The following LRRC75A variants were observed in gnomAD, a reference collection of about 807,000 sequenced individuals.
LRRC75A encodes the protein leucine rich repeat containing 75A, also known as leucine-rich repeat-containing protein 75A.
Under a neutral mutation model 26.0 loss-of-function variants are expected in LRRC75A, and 12 were observed. The observed-to-expected ratio is 0.46, with a 90% CI of 0.30 to 0.75. LRRC75A has a LOEUF of 0.75. LRRC75A is among the 30% of genes least tolerant of loss of function. The pLI is 0.08. For missense variants in LRRC75A, 410 were observed against 486.6 expected (o/e 0.84, Z 1.48); for synonymous variants, 223 against 219.3 (o/e 1.02, Z -0.15).
At chr17:16,457,309 C>T (rs931247361) in intron 2 of LRRC75A, among the ~76,000 whole-genome samples, 2 of 152,190 alleles carry the variant, frequency 1.3e-5, no homozygotes, top group Non-Finnish European at 2.9e-5. Context: ...GACTGTGTGC[C>T]GGCTTTTCTG....
Position 16,456,324 on chromosome 17 carries a change from G to A in LRRC75A, c.375+5934C>T, listed in dbSNP as rs1392891901. Among the ~76,000 whole-genome samples the A allele has an allele frequency of 3.6e-5, 5 of 138,120 alleles. 1 individual carries two copies. The highest frequency in any genetic ancestry group is 6.3e-5 in the Non-Finnish European group (4 of 63,444). 90.6% of individuals were successfully genotyped at this position (138,120 alleles called of 152,430 possible). A position where few individuals can be genotyped will look rare whatever the true frequency, so the allele number is the denominator to read the frequency against. ...AAGAGGAGGAGGAGGAAGAGGAGAA[G>A]AAGGAAGAGGAGGAGGAAGAGAAGG... On this transcript the variant is annotated intron_variant, in intron 2 of 3. Transcript: ENST00000470794.
intron 2 of LRRC75A, among the ~76,000 whole-genome samples, chr17:16,457,708 G>T (rs1336217412): frequency 6.6e-6 from 1 of 152,134 alleles, no homozygotes; most frequent in Non-Finnish European, 1.5e-5. Flanking sequence ...GCTCACACCT[G>T]CAATCCTAGT....
intron 1 of LRRC75A, among the ~76,000 whole-genome samples, chr17:16,479,948 G>A (rs61019951): frequency 0.03 from 4,543 of 152,306 alleles, 214 homozygotes; most frequent in African/African-American, 0.1. Flanking sequence ...ACAGCAGGAC[G>A]TGAACAGTGG....
At chr17:16,455,170 C>T (rs2093666935) in intron 2 of LRRC75A, among the ~76,000 whole-genome samples, 1 of 152,070 alleles carries the variant, frequency 6.6e-6, no homozygotes. Context: ...TGACCTCAGA[C>T]GATCCGCCTG....
At chr17:16,469,290 T>TC (rs899815842) in intron 1 of LRRC75A, among the ~76,000 whole-genome samples, 1 of 152,216 alleles carries the variant, frequency 6.6e-6, no homozygotes, top group African/African-American at 2.4e-5. Context: ...CTTGTTAATC[T>TC]CCCCTTTCAT....
chr17:16,449,972 G>A lies in LRRC75A; in HGVS notation c.376-2012C>T, dbSNP rs568327820. ...GTGATTTCAGATGGAGAAAGAAAAC[G>A]TGAGGCATCCTTGAGTGAGGAGGAA... On this transcript the variant is annotated intron_variant, in intron 2 of 3. Coordinates refer to ENST00000470794, the MANE Select transcript of LRRC75A (RefSeq NM_001113567.3). 2.7e-4 allele frequency among the ~76,000 whole-genome samples: 41 copies of A among 152,292 alleles called. No individual in the cohort carries two copies. In the South Asian group the frequency reaches 6.4e-3, roughly 24 times the overall value.
chr17:16,490,348 G>C (rs1271367697), intron 1 of LRRC75A, among the ~76,000 whole-genome samples: 1 of 152,210 alleles, frequency 6.6e-6, no homozygotes, highest in Non-Finnish European at 1.5e-5. Flanking sequence ...CCATATGTCA[G>C]CTTCCAATTT....
chr17:16,457,891 T>C (rs2093697582), intron 2 of LRRC75A, among the ~76,000 whole-genome samples: 1 of 152,008 alleles, frequency 6.6e-6, no homozygotes, highest in Non-Finnish European at 1.5e-5. Flanking sequence ...GGAGGATCAC[T>C]TGAGCCTAGT....
intron 1 of LRRC75A, among the ~76,000 whole-genome samples, chr17:16,479,368 A>G (rs2093828289): frequency 1.3e-5 from 2 of 152,208 alleles, no homozygotes; most frequent in Non-Finnish European, 2.9e-5. Flanking sequence ...TGCATGGGAG[A>G]AGGGCTAAAG....
chr17:16,446,663 C>A (rs560168250), intron 3 of LRRC75A, among the ~76,000 whole-genome samples: 2 of 152,084 alleles, frequency 1.3e-5, no homozygotes, highest in African/African-American at 4.8e-5. Context: ...GACATGGCTT[C>A]CGAATGAAGA....
intron 1 of LRRC75A, among the ~76,000 whole-genome samples, chr17:16,474,662 T>C (rs2093815312): frequency 6.6e-6 from 1 of 152,108 alleles, no homozygotes; most frequent in South Asian, 2.1e-4. Flanking sequence ...CATTTGTCCC[T>C]CTCTGCAGTA....
intron 1 of LRRC75A, among the ~76,000 whole-genome samples, chr17:16,465,926 C>T (rs889101844): frequency 6.6e-6 from 1 of 152,234 alleles, no homozygotes; most frequent in African/African-American, 2.4e-5. Context: ...TGAGTCACGG[C>T]CAACACCGGC....
Position 16,447,835 on chromosome 17 carries a change from TG to T in LRRC75A, c.491+9del, listed in dbSNP as rs1391609781. The T allele has an allele frequency of 6.5e-7, 1 of 1,528,860 alleles. No homozygotes were observed. Among genetic ancestry groups the T allele is most frequent in the Middle Eastern group, 2.3e-4 (1 of 4,392 alleles). 94.7% of individuals were successfully genotyped at this position (1,528,860 alleles called of 1,614,324 possible). A position where few individuals can be genotyped will look rare whatever the true frequency, so the allele number is the denominator to read the frequency against. Reference sequence around the variant, plus strand: ...CCTGGCATAGACCTGCCCGGGGGAGTGTAACTCACCAGGCCTGTGGCTTCCT... The same window carrying T: ...CCTGGCATAGACCTGCCCGGGGGAGTTAACTCACCAGGCCTGTGGCTTCCT... On this transcript the variant is annotated intron_variant, in intron 3 of 3. Coordinates refer to ENST00000470794, the MANE Select transcript of LRRC75A (RefSeq NM_001113567.3).
intron 3 of LRRC75A, among the ~76,000 whole-genome samples, chr17:16,446,092 A>T (rs1331817831): frequency 6.6e-6 from 1 of 152,178 alleles, no homozygotes; most frequent in Non-Finnish European, 1.5e-5. Context: ...TATTTTTAGT[A>T]GAGACAGGGT....
At chr17:16,448,498 C>T (rs11871923) in intron 2 of LRRC75A, among the ~76,000 whole-genome samples, 16,161 of 152,230 alleles carry the variant, frequency 0.11, 1,094 homozygotes, top group Middle Eastern at 0.21. Context: ...AAGTCTTTCC[C>T]AGCGCAGTTC....
intron 1 of LRRC75A, among the ~76,000 whole-genome samples, chr17:16,484,860 T>G (rs2093842686): frequency 6.6e-6 from 1 of 151,314 alleles, no homozygotes; most frequent in Admixed American, 6.6e-5. Flanking sequence ...CTCTCCTGGT[T>G]AAGATAAAGT....
chr17:16,479,084 AC>A (rs2143397197), intron 1 of LRRC75A, among the ~76,000 whole-genome samples: 1 of 152,258 alleles, frequency 6.6e-6, no homozygotes, highest in South Asian at 2.1e-4. Context: ...CAACAAGGAA[AC>A]CCTGATGCCT....
chr17:16,451,977 G>A (rs556968937), intron 2 of LRRC75A, among the ~76,000 whole-genome samples: 46 of 151,620 alleles, frequency 3.0e-4, no homozygotes, highest in Non-Finnish European at 6.0e-4. Flanking sequence ...TCGATCTCCT[G>A]ACCTTGTGAT....
rs1202064833 is a variant in LRRC75A, at chr17:16,485,664, G to T, written c.246+6081C>A. On this transcript the variant is annotated intron_variant, in intron 1 of 3. Transcript: ENST00000470794. ...TGTGTGTGTGTGTGTGTGTGTGTGT[G>T]TGTGTTCGTGTGTGTGTGTGTGTGT... Among the ~76,000 whole-genome samples, 3 of 128,868 alleles carry T rather than the reference G, an allele frequency of 2.3e-5. No homozygotes were observed. In the South Asian group the frequency reaches 7.1e-4, roughly 30 times the overall value. The allele number at this position is 128,868 out of a possible 152,430, so 84.5% of individuals were successfully genotyped here.
Sources: gnomAD v4.1 joint callset for allele counts (sites outside exome capture counted in the v4.1 genomes callset) on GRCh38, gnomAD v4.1.1 for gene constraint, MANE v1.5 for transcripts, NCBI Gene and HGNC (gene_info 2026-07-23, HGNC 2026-07-21) for gene names.